The following CHRM3 variants were observed in gnomAD, a reference collection of about 807,000 sequenced individuals.
The protein encoded by CHRM3 is muscarinic acetylcholine receptor M3.
A neutral mutation model predicts 41.8 loss-of-function variants in CHRM3; 11 were observed. That is an observed-to-expected ratio of 0.26 (90% CI 0.17 to 0.44). CHRM3 has a LOEUF of 0.44. Ranked by LOEUF, CHRM3 falls within the 20% of genes least tolerant of loss-of-function variation. The pLI, the probability that CHRM3 is intolerant of heterozygous loss-of-function variation, is 1.00. For missense variants in CHRM3, 571 were observed against 745.4 expected, an observed-to-expected ratio of 0.77 and a Z score of 2.72; for synonymous variants, 297 against 301.4, an observed-to-expected ratio of 0.99 and a Z score of 0.15.
At position 239,907,048 on chromosome 1, in the gene CHRM3, T is replaced by C. The variant is rs952674576; in HGVS notation, c.-19-385T>C. 2.0e-5 allele frequency among the ~76,000 whole-genome samples: 3 copies of C among 152,198 alleles called. No homozygotes were observed. The highest frequency in any genetic ancestry group is 4.8e-5 in the African/African-American group (2 of 41,442). On this transcript the variant is annotated intron_variant, in intron 6 of 6. Transcript: ENST00000676153. This position sits in a 1 kb window ranked among gnomAD's most constrained non-coding sequence, Gnocchi z 5.4. ...AGATAAAATGCAAATCAAGTCAAGTTATCAATTTAGCATGAAGATAAAGCT... is the reference window on the plus strand; with the variant it reads ...AGATAAAATGCAAATCAAGTCAAGTCATCAATTTAGCATGAAGATAAAGCT...
intron 4 of CHRM3, among the ~76,000 whole-genome samples, chr1:239,645,699 T>G (rs1200633016): frequency 1.3e-5 from 2 of 152,050 alleles, no homozygotes; most frequent in Non-Finnish European, 2.9e-5. Flanking sequence ...AAAACAAAAA[T>G]AGTATCAAAA....
chr1:239,731,591 G>A (rs1458886324), intron 5 of CHRM3, among the ~76,000 whole-genome samples: 2 of 151,936 alleles, frequency 1.3e-5, no homozygotes, highest in African/African-American at 4.8e-5. Flanking sequence ...AGAGCAGGGG[G>A]AGAGAGAACA....
At chr1:239,486,545 T>C (rs1378345553) in intron 1 of CHRM3, among the ~76,000 whole-genome samples, 1 of 152,174 alleles carries the variant, frequency 6.6e-6, no homozygotes, top group African/African-American at 2.4e-5. Flanking sequence ...AAGAACCAAA[T>C]AGTAAATATT....
chr1:239,807,879 C>T (rs1024708235), intron 5 of CHRM3, among the ~76,000 whole-genome samples: 1 of 151,848 alleles, frequency 6.6e-6, no homozygotes, highest in East Asian at 1.9e-4. Flanking sequence ...TCCCAAAATG[C>T]TGGGATATTC....
chr1:239,881,579 T>C (rs950126790), intron 6 of CHRM3, among the ~76,000 whole-genome samples: 1 of 152,086 alleles, frequency 6.6e-6, no homozygotes, highest in Non-Finnish European at 1.5e-5. Context: ...CGGAAAAACA[T>C]CCGAATCTCC....
At chr1:239,618,845 A>G (rs1335813798) in intron 3 of CHRM3, among the ~76,000 whole-genome samples, 3 of 84,644 alleles carry the variant, frequency 3.5e-5, no homozygotes, top group East Asian at 2.6e-4. Flanking sequence ...CTCTGTCAGA[A>G]AAAAAAAAAA....
intron 3 of CHRM3, among the ~76,000 whole-genome samples, chr1:239,606,943 C>T (rs997180005): frequency 6.6e-6 from 1 of 152,190 alleles, no homozygotes; most frequent in African/African-American, 2.4e-5. Flanking sequence ...CCTATGTCCC[C>T]TTTCTCCTCT....
In CHRM3 at chr1:239,683,034, T is replaced by C. The variant is rs547801946; in HGVS notation, c.-147+4746T>C. Among the ~76,000 whole-genome samples the C allele has an allele frequency of 5.2e-4, 79 of 152,272 alleles. No individual in the cohort carries two copies. The Middle Eastern group carries it at 0.01, about 20-fold the overall frequency. Reference sequence around the variant, plus strand: ...AGCTACTTTGAAATAGACAATACAGTATTGTTAACCACAGTCACCCTACTG... The same window carrying C: ...AGCTACTTTGAAATAGACAATACAGCATTGTTAACCACAGTCACCCTACTG... On this transcript the variant is annotated intron_variant, in intron 5 of 6. Coordinates refer to ENST00000676153, the MANE Select transcript of CHRM3 (RefSeq NM_001375978.1).
intron 3 of CHRM3, among the ~76,000 whole-genome samples, chr1:239,557,409 A>G (rs1410803845): frequency 6.6e-6 from 1 of 152,042 alleles, no homozygotes; most frequent in East Asian, 1.9e-4. Context: ...CTACTCTAAC[A>G]CACCTCTGAG....
At chr1:239,738,622 AAAT>A (rs113116995) in intron 5 of CHRM3, among the ~76,000 whole-genome samples, 6,509 of 152,280 alleles carry the variant, frequency 0.043, 224 homozygotes, top group African/African-American at 0.083. Context: ...CATGTCAAAT[AAAT>A]GATTGAACAT....
chr1:239,653,491 T>C (rs536974799), intron 4 of CHRM3, among the ~76,000 whole-genome samples: 1 of 152,138 alleles, frequency 6.6e-6, no homozygotes, highest in African/African-American at 2.4e-5. Flanking sequence ...TGGTCAAGGA[T>C]GGAATCTTTG....
chr1:239,597,186 G>A (rs556636106), intron 3 of CHRM3, among the ~76,000 whole-genome samples: 1 of 152,156 alleles, frequency 6.6e-6, no homozygotes, highest in African/African-American at 2.4e-5. Context: ...ATTATCATCA[G>A]CGGCATTCAT....
intron 1 of CHRM3, among the ~76,000 whole-genome samples, chr1:239,417,955 G>T (rs1250607788): frequency 1.3e-5 from 2 of 152,184 alleles, no homozygotes; most frequent in African/African-American, 4.8e-5. Context: ...TAAAAACTGT[G>T]TGATAGGTTG....
In CHRM3 at chr1:239,622,429, A is replaced by G. The variant is rs572729250; in HGVS notation, c.-312-9795A>G. Among the ~76,000 whole-genome samples the G allele has an allele frequency of 7.2e-5, 11 of 152,336 alleles. No individual in the cohort carries two copies. In the East Asian group the frequency reaches 7.7e-4, roughly 11 times the overall value. On this transcript the variant is annotated intron_variant, in intron 3 of 6. Transcript: ENST00000676153. ...GAAAACCTTCTAGAAAGGATTCACC[A>G]TTCTAGATGCTATTAAATACATTCA...
intron 5 of CHRM3, among the ~76,000 whole-genome samples, chr1:239,808,023 T>C (rs1158863006): frequency 6.6e-6 from 1 of 152,196 alleles, no homozygotes; most frequent in Non-Finnish European, 1.5e-5. Flanking sequence ...ATGAAGTTTT[T>C]TAAAGAAACA....
At chr1:239,725,715 G>A (rs1030521808) in intron 5 of CHRM3, among the ~76,000 whole-genome samples, 7 of 152,004 alleles carry the variant, frequency 4.6e-5, no homozygotes, top group East Asian at 1.9e-4. Flanking sequence ...CTAGCTAAAC[G>A]CTTTATAAAG....
chr1:239,773,790 C>T (rs1478369074), intron 5 of CHRM3, among the ~76,000 whole-genome samples: 4 of 152,050 alleles, frequency 2.6e-5, no homozygotes, highest in African/African-American at 9.7e-5. Context: ...GAGAATAACT[C>T]CTGTAATTAA....
At chr1:239,531,600 A>C (rs973816901) in intron 2 of CHRM3, among the ~76,000 whole-genome samples, 1 of 125,450 alleles carries the variant, frequency 8.0e-6, no homozygotes, top group African/African-American at 3.1e-5. Context: ...CATGTATGCT[A>C]TGTGCTTTGT....
chr1:239,434,191 G>A (rs1398557608), intron 1 of CHRM3, among the ~76,000 whole-genome samples: 1 of 152,136 alleles, frequency 6.6e-6, no homozygotes, highest in African/African-American at 2.4e-5. Flanking sequence ...TTCTTGGAAG[G>A]TTTCCCTCAG....
Sources: allele counts gnomAD v4.1 joint callset (sites outside exome capture counted in the v4.1 genomes callset), GRCh38; gene constraint gnomAD v4.1.1; non-coding constraint Gnocchi (gnomAD v3.1); transcripts MANE v1.5; gene names NCBI Gene and HGNC (gene_info 2026-07-23, HGNC 2026-07-21).